Variants in LDLRAD3 observed in about 807,000 individuals in gnomAD.
LDLRAD3 encodes low density lipoprotein receptor class A domain containing 3.
A neutral mutation model predicts 29.4 loss-of-function variants in LDLRAD3; 20 were observed. The ratio of observed to expected loss-of-function variants is 0.68; its 90% CI spans 0.48 to 0.99. LDLRAD3 has a LOEUF of 0.99. Ranked by LOEUF, LDLRAD3 falls within the 50% of genes least tolerant of loss-of-function variation. LDLRAD3 has a pLI of 0.00. For missense variants in LDLRAD3, 420 were observed against 454.3 expected, an observed-to-expected ratio of 0.92 and a Z score of 0.69; for synonymous variants, 157 against 192.7, an observed-to-expected ratio of 0.81 and a Z score of 1.53.
Position 35,944,899 on chromosome 11 carries a change from G to A in LDLRAD3, c.46+755G>A, listed in dbSNP as rs1459730764. On this transcript the variant is annotated intron_variant, in intron 1 of 5. Coordinates refer to ENST00000315571, the MANE Select transcript of LDLRAD3 (RefSeq NM_174902.4). This position sits in a 1 kb window ranked among gnomAD's most constrained non-coding sequence, Gnocchi z 4.9. ...CCACCGCGTGTGCATCCCGGGGCCT[G>A]GACCGCAGCAAGCCTCTTTCCCTTC... is the stretch of plus-strand genomic sequence containing the variant. Among the ~76,000 whole-genome samples the A allele has an allele frequency of 4.6e-5, 7 of 152,128 alleles. No homozygotes were observed. Among genetic ancestry groups the A allele is most frequent in the Non-Finnish European group, 8.8e-5 (6 of 68,020 alleles).
At position 36,095,785 on chromosome 11, in the gene LDLRAD3, G is replaced by A. The variant is rs183189544; in HGVS notation, c.320-2542G>A. Among the ~76,000 whole-genome samples the A allele has an allele frequency of 7.2e-5, 11 of 152,268 alleles. No individual in the cohort carries two copies. In the South Asian group the frequency reaches 8.3e-4, roughly 11 times the overall value. On this transcript the variant is annotated intron_variant, in intron 3 of 5. Coordinates refer to ENST00000315571, the MANE Select transcript of LDLRAD3 (RefSeq NM_174902.4). The stretch of plus-strand genomic sequence containing the variant: ...GTTTACATAAGCTTATGAACGCCCC[G>A]TCTTGGAGCACTTAGAATGCCTTTC...
chr11:35,948,469 T>G (rs576823608), intron 1 of LDLRAD3, among the ~76,000 whole-genome samples: 1 of 147,442 alleles, frequency 6.8e-6, no homozygotes, highest in Non-Finnish European at 1.5e-5. Flanking sequence ...TGTGTGTGTG[T>G]GCACATGCAC....
intron 1 of LDLRAD3, among the ~76,000 whole-genome samples, chr11:35,982,546 C>T (rs970462620): frequency 6.6e-6 from 1 of 152,178 alleles, no homozygotes; most frequent in Non-Finnish European, 1.5e-5. Flanking sequence ...CAACCCATAA[C>T]TAATATGTGC....
At position 36,075,845 on chromosome 11, in the gene LDLRAD3, G is replaced by A. The variant is rs80135662; in HGVS notation, c.194-5808G>A. Among the ~76,000 whole-genome samples, 1,185 of 152,174 alleles carry A rather than the reference G, an allele frequency of 7.8e-3. 14 individuals carry two copies. The highest frequency in any genetic ancestry group is 0.028 in the African/African-American group (1,142 of 41,508). ...ATTCTCTGTGTCATAATCTGATACC[G>A]TTGTTGATTTTGTTGCTTGGATGGT... On this transcript the variant is annotated intron_variant, in intron 2 of 5. Transcript: ENST00000315571.
intron 2 of LDLRAD3, among the ~76,000 whole-genome samples, chr11:36,066,696 G>A (rs985316095): frequency 2.0e-5 from 3 of 152,044 alleles, no homozygotes; most frequent in South Asian, 4.1e-4. Context: ...GTCGATGATA[G>A]CCACTTTGAA....
At chr11:36,191,595 T>TAC (rs1398183766) in intron 4 of LDLRAD3, among the ~76,000 whole-genome samples, 17 of 103,902 alleles carry the variant, frequency 1.6e-4, no homozygotes, top group Non-Finnish European at 2.6e-4. Flanking sequence ...TATATATATA[T>TAC]ATATACACAC....
At chr11:36,193,611 C>T (rs1477053415) in intron 4 of LDLRAD3, among the ~76,000 whole-genome samples, 1 of 152,152 alleles carries the variant, frequency 6.6e-6, no homozygotes, top group East Asian at 1.9e-4. Context: ...TAGATGTTGT[C>T]GCATGCCCCT....
At chr11:36,078,354 G>T (rs2133254105) in intron 2 of LDLRAD3, among the ~76,000 whole-genome samples, 1 of 152,316 alleles carries the variant, frequency 6.6e-6, no homozygotes, top group South Asian at 2.1e-4. Context: ...CACCTGCAGG[G>T]CAGTGCCAAG....
intron 2 of LDLRAD3, among the ~76,000 whole-genome samples, chr11:36,050,448 A>G (rs1292855406): frequency 6.6e-6 from 1 of 152,194 alleles, no homozygotes; most frequent in East Asian, 1.9e-4. Flanking sequence ...AAGCTGTTGG[A>G]TGACAGGGAG....
chr11:36,153,604 T>C (rs1316597939), intron 4 of LDLRAD3, among the ~76,000 whole-genome samples: 8 of 152,210 alleles, frequency 5.3e-5, no homozygotes, highest in African/African-American at 1.7e-4. Context: ...ACCAAGTACA[T>C]GTTCTTAATT....
chr11:35,953,781 G>T (rs552252434), intron 1 of LDLRAD3, among the ~76,000 whole-genome samples: 82 of 152,300 alleles, frequency 5.4e-4, no homozygotes, highest in African/African-American at 1.9e-3. Flanking sequence ...TTTCATCAGA[G>T]TTCAAGCTGT....
chr11:36,071,175 A>C (rs970022279), intron 2 of LDLRAD3, among the ~76,000 whole-genome samples: 11 of 152,198 alleles, frequency 7.2e-5, no homozygotes, highest in Admixed American at 2.0e-4. Context: ...TTAAGGAGCA[A>C]CTTAACAAAA....
At chr11:35,951,507 AC>A (rs1245955781) in intron 1 of LDLRAD3, among the ~76,000 whole-genome samples, 1 of 151,830 alleles carries the variant, frequency 6.6e-6, no homozygotes, top group Admixed American at 6.6e-5. Context: ...TTGAACAGAC[AC>A]CCCTTTTGTT....
At chr11:36,173,908 C>T (rs1356753084) in intron 4 of LDLRAD3, among the ~76,000 whole-genome samples, 1 of 152,206 alleles carries the variant, frequency 6.6e-6, no homozygotes, top group Non-Finnish European at 1.5e-5. Flanking sequence ...ATTGCCAAGA[C>T]AATCCTAAGC....
intron 1 of LDLRAD3, among the ~76,000 whole-genome samples, chr11:36,025,882 C>T (rs575413611): frequency 1.3e-5 from 2 of 149,254 alleles, no homozygotes; most frequent in South Asian, 2.1e-4. Flanking sequence ...CAGGTTCTAG[C>T]GATTCTCCTG....
At chr11:36,091,942 A>G (rs1248002459) in intron 3 of LDLRAD3, among the ~76,000 whole-genome samples, 2 of 152,218 alleles carry the variant, frequency 1.3e-5, no homozygotes, top group Non-Finnish European at 1.5e-5. Flanking sequence ...CCCAAATGCA[A>G]TCATTCTGAA....
chr11:36,094,155 G>T (rs11033417), intron 3 of LDLRAD3, among the ~76,000 whole-genome samples: 30,299 of 152,204 alleles, frequency 0.2, 3,505 homozygotes, highest in Admixed American at 0.3. Flanking sequence ...CCAGGCATTT[G>T]TCTGCTTCCT....
chr11:36,175,301 A>C (rs1300152006), intron 4 of LDLRAD3, among the ~76,000 whole-genome samples: 3 of 151,648 alleles, frequency 2.0e-5, no homozygotes, highest in African/African-American at 7.3e-5. Context: ...TTTTTGTTTC[A>C]ATTTCATTTA....
At chr11:35,945,940 G>A (rs1851051627) in intron 1 of LDLRAD3, among the ~76,000 whole-genome samples, 2 of 152,206 alleles carry the variant, frequency 1.3e-5, no homozygotes. Flanking sequence ...GATAGGGGGA[G>A]GAATAGTCCA....
Sources: gnomAD v4.1 joint callset for allele counts (sites outside exome capture counted in the v4.1 genomes callset) on GRCh38, gnomAD v4.1.1 for gene constraint, Gnocchi (gnomAD v3.1) non-coding constraint, MANE v1.5 for transcripts, NCBI Gene and HGNC (gene_info 2026-07-23, HGNC 2026-07-21) for gene names.